MAP4: variants seen among roughly 807,000 people sequenced by gnomAD.
MAP4 encodes microtubule-associated protein 4.
MAP4 carries 76 observed loss-of-function variants against 170.2 expected under a neutral mutation model. The observed-to-expected ratio is 0.45, with a 90% confidence interval of 0.37 to 0.54. The LOEUF (loss-of-function observed/expected upper bound fraction) is 0.54, where lower values mean the gene tolerates loss of function less well. Among genes scored for constraint, MAP4 ranks in the 20% least tolerant of loss-of-function variants. The pLI, the probability that MAP4 is intolerant of heterozygous loss-of-function variation, is 0.00. For synonymous variants in MAP4, 909 were observed against 994.5 expected (o/e 0.91, Z 1.62); for missense variants, 2,506 against 2,748.0 (o/e 0.91, Z 1.97).
intron 3 of MAP4, chr3:47,975,189 T>G: frequency 2.5e-6 from 3 of 1,216,968 alleles, no homozygotes; most frequent in Non-Finnish European, 3.1e-6. Flanking sequence ...TTTGTAAAAA[T>G]TACTAAAATT....
chr3:48,030,890 T>C (rs1168151713), intron 1 of MAP4, among the ~76,000 whole-genome samples: 1 of 134,368 alleles, frequency 7.4e-6, no homozygotes, highest in African/African-American at 2.8e-5. Context: ...GCTGGAACAA[T>C]ATAAACAATA....
At chr3:47,919,828 G>A (rs907416905) in intron 5 of MAP4, among the ~76,000 whole-genome samples, 11 of 152,030 alleles carry the variant, frequency 7.2e-5, no homozygotes, top group Non-Finnish European at 1.3e-4. Flanking sequence ...AAAAAACTGC[G>A]AGTCTTAATT....
At chr3:47,949,751 T>C (rs2100062470) in intron 3 of MAP4, among the ~76,000 whole-genome samples, 1 of 152,228 alleles carries the variant, frequency 6.6e-6, no homozygotes, top group Admixed American at 6.5e-5. Context: ...CTTATGCCAA[T>C]AGCAAGCACT....
chr3:47,958,838 C>T (rs2100069511), intron 3 of MAP4, among the ~76,000 whole-genome samples: 1 of 152,038 alleles, frequency 6.6e-6, no homozygotes, highest in African/African-American at 2.4e-5. Flanking sequence ...CGTGCACCAC[C>T]ACACCTGGCT....
At chr3:48,083,448 C>T (rs2100147588) in intron 1 of MAP4, among the ~76,000 whole-genome samples, 1 of 152,130 alleles carries the variant, frequency 6.6e-6, no homozygotes, top group Non-Finnish European at 1.5e-5. Flanking sequence ...TCACTGCAAC[C>T]TCTGCCTCCC....
At chr3:48,030,567 G>A (rs1197032569) in intron 1 of MAP4, among the ~76,000 whole-genome samples, 2 of 151,724 alleles carry the variant, frequency 1.3e-5, no homozygotes, top group East Asian at 3.9e-4. Context: ...GGGAGGCCAA[G>A]GCAGGCAGAT....
At chr3:47,875,930 T>C in intron 11 of MAP4, 30 bp from the exon 12 acceptor site, 1 of 1,512,246 alleles carries the variant, frequency 6.6e-7, no homozygotes, top group Non-Finnish European at 9.0e-7. Context: ...TATTTTTTAT[T>C]TTTATTTTTT....
At chr3:47,881,892 T>A (rs1156408659) in intron 10 of MAP4, among the ~76,000 whole-genome samples, 1 of 152,144 alleles carries the variant, frequency 6.6e-6, no homozygotes, top group Non-Finnish European at 1.5e-5. Context: ...GGAGCCGCTG[T>A]ACCTGGCCTA....
intron 3 of MAP4, among the ~76,000 whole-genome samples, chr3:47,942,679 G>C (rs1230768431): frequency 6.6e-6 from 1 of 152,140 alleles, no homozygotes; most frequent in African/African-American, 2.4e-5. Context: ...ATCAAACAAA[G>C]GTGACAAGGA....
intron 9 of MAP4, among the ~76,000 whole-genome samples, chr3:47,907,235 AAT>A (rs1423698087): frequency 6.6e-6 from 1 of 152,284 alleles, no homozygotes; most frequent in South Asian, 2.1e-4. Flanking sequence ...GAAATCAGGA[AAT>A]ATATATGTTA....
intron 1 of MAP4, among the ~76,000 whole-genome samples, chr3:48,040,764 A>C (rs921892135): frequency 2.0e-5 from 3 of 148,650 alleles, no homozygotes; most frequent in Non-Finnish European, 3.0e-5. Context: ...GGGTTTCACC[A>C]ATTGGTCAGG....
chr3:48,027,443 C>A (rs1036216366), intron 1 of MAP4, among the ~76,000 whole-genome samples: 1 of 152,104 alleles, frequency 6.6e-6, no homozygotes, highest in Non-Finnish European at 1.5e-5. Flanking sequence ...AGAGTGCAAA[C>A]CTAGGTCAAA....
At chr3:47,877,778 G>T in intron 10 of MAP4, 1 of 238,202 alleles carries the variant, frequency 4.2e-6, no homozygotes, top group Non-Finnish European at 8.0e-6. Flanking sequence ...ATGATCAGTG[G>T]AAAAAAATGG....
chr3:48,083,739 T>C (rs1415981463), intron 1 of MAP4, among the ~76,000 whole-genome samples: 1 of 151,372 alleles, frequency 6.6e-6, no homozygotes, highest in Non-Finnish European at 1.5e-5. Flanking sequence ...TAACTTTTTT[T>C]TTTTGAGATG....
At chr3:48,059,837 C>T (rs1036456408) in intron 1 of MAP4, among the ~76,000 whole-genome samples, 2 of 152,042 alleles carry the variant, frequency 1.3e-5, no homozygotes, top group Admixed American at 6.6e-5. Context: ...AAAAATTAGC[C>T]GGCTTGGTGG....
chr3:48,080,587 C>T (rs368596136), intron 1 of MAP4, among the ~76,000 whole-genome samples: 2 of 152,088 alleles, frequency 1.3e-5, no homozygotes, highest in East Asian at 3.9e-4. Flanking sequence ...TGGCTCACAC[C>T]TATAATCCCA....
At position 48,039,948 on chromosome 3, in the gene MAP4, T is replaced by G. The variant is rs116394702; in HGVS notation, c.-19-41069A>C. The stretch of plus-strand genomic sequence containing the variant: ...ACTGTTCCTCTTAACTACAGCCCTT[T>G]GCACCAAGAAAACAGAAGAATGATA... On this transcript the variant is annotated intron_variant, in intron 1 of 18. Transcript: ENST00000360240. Among the ~76,000 whole-genome samples, 254 of 152,312 alleles carry G rather than the reference T, an allele frequency of 1.7e-3. 3 individuals carry two copies. The highest frequency in any genetic ancestry group is 5.9e-3 in the African/African-American group (247 of 41,580).
chr3:48,055,066 G>A (rs973321785), intron 1 of MAP4, among the ~76,000 whole-genome samples: 2 of 152,168 alleles, frequency 1.3e-5, no homozygotes, highest in African/African-American at 4.8e-5. Context: ...GCCAAGTAGG[G>A]TATCCAGGAA....
At chr3:47,952,588 C>T (rs955017634) in intron 3 of MAP4, among the ~76,000 whole-genome samples, 2 of 151,720 alleles carry the variant, frequency 1.3e-5, no homozygotes, top group Admixed American at 1.3e-4. Context: ...GACCTTACCC[C>T]CAACCCTGTG....
Sources: gnomAD v4.1 joint callset for allele counts (sites outside exome capture counted in the v4.1 genomes callset) on GRCh38, gnomAD v4.1.1 for gene constraint, MANE v1.5 for transcripts, NCBI Gene and HGNC (gene_info 2026-07-23, HGNC 2026-07-21) for gene names.